UBXN6: variants seen among roughly 807,000 people sequenced by gnomAD.
UBXN6 encodes UBX domain protein 6.
UBXN6 carries 44 observed loss-of-function variants against 51.4 expected under a neutral mutation model. That is an observed-to-expected ratio of 0.86 (90% CI 0.67 to 1.10). The LOEUF is 1.10. UBXN6 is among the 50% of genes least tolerant of loss of function. UBXN6 has a pLI of 0.00. For synonymous variants in UBXN6, 316 were observed against 263.2 expected (o/e 1.20, Z -1.94); for missense variants, 672 against 596.1 (o/e 1.13, Z -1.32).
chr19:4,455,168 C>T (rs2145189829), intron 1 of UBXN6: 1 of 980,560 alleles, frequency 1.0e-6, no homozygotes, highest in Non-Finnish European at 1.2e-6. Context: ...TCCCAACCTG[C>T]TCGGACGCGT....
intron 3 of UBXN6, 131 bp downstream of exon 3, chr19:4,453,327 T>C (rs376965): frequency 0.98 from 979,884 of 998,088 alleles, 481,075 homozygotes; most frequent in Middle Eastern, 0.99. Flanking sequence ...CCACAACCTG[T>C]GTCCACCTTG....
chr19:4,451,026 G>A (rs1247217343), intron 4 of UBXN6, among the ~76,000 whole-genome samples: 1 of 152,068 alleles, frequency 6.6e-6, no homozygotes, highest in Non-Finnish European at 1.5e-5. Flanking sequence ...TGAGTCTGGA[G>A]AGTCTATGGA....
In UBXN6 at chr19:4,448,352, C is replaced by T. The variant is rs754760001; in HGVS notation, c.505G>A (p.Asp169Asn). The T allele has an allele frequency of 6.2e-7, 1 of 1,610,442 alleles. No homozygotes were observed. Among genetic ancestry groups the T allele is most frequent in the East Asian group, 2.2e-5 (1 of 44,762 alleles). Residue 169 changes from aspartate (D) to asparagine (N), a missense_variant, in exon 5 of 11, where the codon GAC (aspartate) becomes AAC (asparagine). Transcript: ENST00000301281. ...GTGTCCACACCCAGCTTCACCCGGT[C>T]CTGGTCTTTGTTGAACGTGTAGATC... ...MKIYTFNKDQ[D>N]RVKLGVDTIA...
At chr19:4,452,995 C>T (rs1974680233) in intron 3 of UBXN6, among the ~76,000 whole-genome samples, 1 of 152,186 alleles carries the variant, frequency 6.6e-6, no homozygotes, top group African/African-American at 2.4e-5. Flanking sequence ...AGAGGAAGGC[C>T]TCCCTGATTC....
intron 3 of UBXN6, among the ~76,000 whole-genome samples, chr19:4,453,238 C>T (rs72990638): frequency 0.36 from 54,408 of 152,102 alleles, 10,140 homozygotes; most frequent in Non-Finnish European, 0.42. Context: ...GGCTCGTGTA[C>T]CTGAGGCCCA....
chr19:4,446,469 C>T (rs757396756), intron 8 of UBXN6, 31 bp downstream of exon 8: 3 of 1,592,040 alleles, frequency 1.9e-6, no homozygotes, highest in African/African-American at 1.3e-5. Flanking sequence ...CCCCGCCCCG[C>T]CCCACTCTGC....
At chr19:4,445,911 G>T in intron 10 of UBXN6, 138 bp downstream of exon 10, 2 of 1,377,046 alleles carry the variant, frequency 1.5e-6, no homozygotes, top group Non-Finnish European at 1.9e-6. Context: ...AAGTGGGAAA[G>T]CAGGATTCAA....
intron 1 of UBXN6, chr19:4,455,140 T>A: frequency 1.1e-6 from 1 of 925,858 alleles, no homozygotes; most frequent in Non-Finnish European, 1.3e-6. Context: ...CAGAGAAGCC[T>A]CGCAGAGAAG....
At chr19:4,457,389 AT>A (rs1197414493) in intron 1 of UBXN6, among the ~76,000 whole-genome samples, 1 of 99,640 alleles carries the variant, frequency 1.0e-5, no homozygotes, top group Non-Finnish European at 2.0e-5. Context: ...CCCCCGGGTC[AT>A]ACCCGCCCCC....
Position 4,446,341 on chromosome 19 carries a change from C to T in UBXN6, c.993G>A (p.Leu331=), listed in dbSNP as rs1194837640. 2 of 1,570,402 alleles carry T rather than the reference C, an allele frequency of 1.3e-6. No individual in the cohort carries two copies. Among genetic ancestry groups the T allele is most frequent in the Non-Finnish European group, 1.7e-6 (2 of 1,164,410 alleles). ...GCAGCAGCGTGTAGTTGTACTTGCG[C>T]AGCCCCCGCTGCTCCTCCTTCTCCC... ...AMREKEEQRG[L]RKYNYTLLRV... Residue 331 remains leucine (L), a synonymous_variant, in exon 9 of 11, where the codon CTG becomes CTA. Coordinates refer to ENST00000301281, the MANE Select transcript of UBXN6 (RefSeq NM_025241.3).
chr19:4,448,937 C>T (rs1422772395), intron 4 of UBXN6: 1 of 156,886 alleles, frequency 6.4e-6, no homozygotes, highest in African/African-American at 2.4e-5. Flanking sequence ...GTCTGCAACC[C>T]TCAATGTCTG....
chr19:4,453,395 G>A (rs1008986094), intron 3 of UBXN6, 63 bp downstream of exon 3: 29 of 1,566,012 alleles, frequency 1.9e-5, no homozygotes, highest in African/African-American at 1.2e-4. Flanking sequence ...CATCTCCCCC[G>A]TGACACAGTC....
chr19:4,447,868 T>C (rs1024031363), intron 5 of UBXN6: 4 of 552,054 alleles, frequency 7.2e-6, no homozygotes, highest in African/African-American at 5.7e-5. Flanking sequence ...CCACCAGCCC[T>C]GGAAGGGCAC....
At chr19:4,455,059 G>A (rs1412229562) in intron 1 of UBXN6, 1 of 253,724 alleles carries the variant, frequency 3.9e-6, no homozygotes, top group African/African-American at 2.3e-5. Context: ...AGAGCTCATG[G>A]ACTCGTGGCT....
intron 2 of UBXN6, 141 bp downstream of exon 2, chr19:4,453,789 C>CA: frequency 7.6e-7 from 1 of 1,309,564 alleles, no homozygotes; most frequent in Non-Finnish European, 1.0e-6. Context: ...CTTCCCCCAG[C>CA]ACCTGCCCTT....
intron 6 of UBXN6, chr19:4,447,334 A>G: frequency 1.7e-6 from 1 of 592,362 alleles, no homozygotes; most frequent in Non-Finnish European, 3.0e-6. Context: ...AGGTGAGGAG[A>G]GGCAGAATTT....
At chr19:4,450,400 A>G (rs934977708) in intron 4 of UBXN6, 6 of 152,184 alleles carry the variant, frequency 3.9e-5, no homozygotes, top group African/African-American at 7.2e-5. Context: ...CAGAGCCAAC[A>G]TAGAAGCAAC....
In UBXN6 at chr19:4,457,700, T is replaced by C; in HGVS notation, c.-3A>G. Reference sequence around the variant, plus strand: ...AACTCCTGAAAGAATTTCTTCATGGTGGCGGCTGGCCCGGCGGCGGGGGGC... The same window carrying C: ...AACTCCTGAAAGAATTTCTTCATGGCGGCGGCTGGCCCGGCGGCGGGGGGC... On this transcript the variant is annotated 5_prime_UTR_variant, in exon 1 of 11. Transcript: ENST00000301281. The C allele has an allele frequency of 6.7e-7, 1 of 1,487,348 alleles. No homozygotes were observed. Among genetic ancestry groups the C allele is most frequent in the Non-Finnish European group, 8.9e-7 (1 of 1,117,494 alleles). 92.1% of individuals were successfully genotyped at this position (1,487,348 alleles called of 1,614,324 possible).
chr19:4,447,880 A>C, intron 5 of UBXN6: 3 of 535,414 alleles, frequency 5.6e-6, no homozygotes, highest in Non-Finnish European at 6.8e-6. Flanking sequence ...GAAGGGCACA[A>C]TTAACCACAG....
Sources: gnomAD v4.1 joint callset for allele counts (sites outside exome capture counted in the v4.1 genomes callset) on GRCh38, gnomAD v4.1.1 for gene constraint, MANE v1.5 for transcripts, NCBI Gene and HGNC (gene_info 2026-07-23, HGNC 2026-07-21) for gene names.